Variants in ST6GALNAC3 observed in about 807,000 individuals in gnomAD.
The protein encoded by ST6GALNAC3 is alpha-N-acetylgalactosaminide alpha-2,6-sialyltransferase 3.
In ST6GALNAC3, 25 loss-of-function variants were observed where a neutral mutation model predicts 32.7. The ratio of observed to expected loss-of-function variants is 0.76; its 90% confidence interval spans 0.56 to 1.07. The LOEUF (loss-of-function observed/expected upper bound fraction) is 1.07, where lower values mean the gene tolerates loss of function less well. ST6GALNAC3 is among the 50% of genes least tolerant of loss of function. The pLI is 0.00. For synonymous variants in ST6GALNAC3, 129 were observed against 133.1 expected (o/e 0.97, Z 0.21); for missense variants, 355 against 382.4 (o/e 0.93, Z 0.60).
At chr1:76,123,991 T>C (rs1649067789) in intron 1 of ST6GALNAC3, among the ~76,000 whole-genome samples, 1 of 152,076 alleles carries the variant, frequency 6.6e-6, no homozygotes, top group Non-Finnish European at 1.5e-5. Flanking sequence ...CCTCAAGTGA[T>C]CCACCCACCT....
chr1:76,338,650 G>A (rs1451882538), intron 2 of ST6GALNAC3, among the ~76,000 whole-genome samples: 1 of 152,104 alleles, frequency 6.6e-6, no homozygotes, highest in Non-Finnish European at 1.5e-5. Flanking sequence ...GAGAGTAGAG[G>A]CCAAGGATGA....
At chr1:76,219,888 T>G (rs1033996515) in intron 1 of ST6GALNAC3, among the ~76,000 whole-genome samples, 1 of 152,204 alleles carries the variant, frequency 6.6e-6, no homozygotes, top group Non-Finnish European at 1.5e-5. Flanking sequence ...GGAGCGGTTC[T>G]GGATCTTGCT....
At chr1:76,419,846 A>G (rs999486070) in intron 3 of ST6GALNAC3, among the ~76,000 whole-genome samples, 8 of 152,062 alleles carry the variant, frequency 5.3e-5, no homozygotes, top group Non-Finnish European at 1.0e-4. Flanking sequence ...CTCTGTAAAC[A>G]GACTTCTTAT....
At chr1:76,206,178 AG>A (rs1654811695) in intron 1 of ST6GALNAC3, among the ~76,000 whole-genome samples, 1 of 152,210 alleles carries the variant, frequency 6.6e-6, no homozygotes, top group African/African-American at 2.4e-5. Flanking sequence ...CCATGGTGAA[AG>A]GATATTTTGA....
intron 2 of ST6GALNAC3, among the ~76,000 whole-genome samples, chr1:76,386,858 T>C (rs1652134645): frequency 6.6e-6 from 1 of 152,208 alleles, no homozygotes; most frequent in South Asian, 2.1e-4. Context: ...TCAGATATGA[T>C]AGATGGCTGA....
chr1:76,197,683 G>T (rs1383842523), intron 1 of ST6GALNAC3, among the ~76,000 whole-genome samples: 1 of 152,208 alleles, frequency 6.6e-6, no homozygotes, highest in Non-Finnish European at 1.5e-5. Context: ...GGTTCACTGA[G>T]TGTAGGTCAA....
At chr1:76,436,119 A>G (rs992285811) in intron 3 of ST6GALNAC3, among the ~76,000 whole-genome samples, 1 of 152,136 alleles carries the variant, frequency 6.6e-6, no homozygotes, top group South Asian at 2.1e-4. Context: ...ACACCTTTGA[A>G]TAAAATTTGT....
intron 1 of ST6GALNAC3, among the ~76,000 whole-genome samples, chr1:76,258,525 T>G (rs1458478897): frequency 6.6e-6 from 1 of 152,198 alleles, no homozygotes; most frequent in Non-Finnish European, 1.5e-5. Flanking sequence ...ATTTTATTGC[T>G]ACTCGAAGGC....
intron 3 of ST6GALNAC3, among the ~76,000 whole-genome samples, chr1:76,600,786 A>G (rs1413017769): frequency 2.6e-5 from 4 of 152,240 alleles, no homozygotes; most frequent in Non-Finnish European, 5.9e-5. Flanking sequence ...TTAGGACACT[A>G]CTTCAGAAGC....
chr1:76,607,767 C>G (rs747906426), intron 3 of ST6GALNAC3, among the ~76,000 whole-genome samples: 2 of 152,144 alleles, frequency 1.3e-5, no homozygotes, highest in African/African-American at 4.8e-5. Flanking sequence ...TCAGGCCACA[C>G]ACACTTCCAG....
intron 1 of ST6GALNAC3, among the ~76,000 whole-genome samples, chr1:76,198,615 G>A (rs1654342318): frequency 6.6e-6 from 1 of 152,158 alleles, no homozygotes; most frequent in Admixed American, 6.5e-5. Context: ...AATGGTGGAG[G>A]AGAGAGAGGA....
intron 3 of ST6GALNAC3, among the ~76,000 whole-genome samples, chr1:76,463,767 C>T (rs1405042235): frequency 6.6e-6 from 1 of 152,032 alleles, no homozygotes; most frequent in African/African-American, 2.4e-5. Context: ...TCATTCTGGG[C>T]CTTTCCCCAC....
At chr1:76,081,285 TAAAAAAAAAAA>T (rs10526487) in intron 1 of ST6GALNAC3, among the ~76,000 whole-genome samples, 55,878 of 120,624 alleles carry the variant, frequency 0.46, 11,398 homozygotes, top group Middle Eastern at 0.59. Context: ...GCTGGTGAGC[TAAAAAAAAAAA>T]AAAAAAAAAG....
rs1284503046 is a variant in ST6GALNAC3 at position 76,633,106 on chromosome 1, G to A, written c.*4300G>A. The A allele has an allele frequency of 6.6e-6, 1 of 152,168 alleles. No homozygotes were observed. Among genetic ancestry groups the A allele is most frequent in the Admixed American group, 6.5e-5 (1 of 15,280 alleles). The allele number at this position is 152,168 out of a possible 1,614,324, so 9.4% of individuals were successfully genotyped here. On this transcript the variant is annotated 3_prime_UTR_variant, in exon 5 of 5. Coordinates refer to ENST00000328299, the MANE Select transcript of ST6GALNAC3 (RefSeq NM_152996.4). ...GCCAATTCAACTCCTACACCTTGGA[G>A]CTGAGGAAACAGACAGAGGTGAAGT...
At chr1:76,372,944 A>AT (rs951418896) in intron 2 of ST6GALNAC3, among the ~76,000 whole-genome samples, 9 of 151,854 alleles carry the variant, frequency 5.9e-5, no homozygotes, top group South Asian at 2.1e-4. Flanking sequence ...TATTTAAAAT[A>AT]TTTTTTTTAA....
chr1:76,605,685 C>T (rs559110293), intron 3 of ST6GALNAC3, among the ~76,000 whole-genome samples: 13 of 151,352 alleles, frequency 8.6e-5, no homozygotes, highest in East Asian at 1.9e-4. Context: ...GCCAACATGG[C>T]GAAACCCCGT....
chr1:76,491,612 T>C (rs572446983), intron 3 of ST6GALNAC3, among the ~76,000 whole-genome samples: 1 of 152,236 alleles, frequency 6.6e-6, no homozygotes, highest in East Asian at 1.9e-4. Context: ...ATAAAACCTC[T>C]ACTCCTAGAA....
At chr1:76,596,299 A>G (rs1647136251) in intron 3 of ST6GALNAC3, among the ~76,000 whole-genome samples, 1 of 152,088 alleles carries the variant, frequency 6.6e-6, no homozygotes, top group African/African-American at 2.4e-5. Context: ...TTATTTTTTC[A>G]GTGCCTGTCT....
At chr1:76,456,765 T>C (rs536574026) in intron 3 of ST6GALNAC3, among the ~76,000 whole-genome samples, 1 of 152,208 alleles carries the variant, frequency 6.6e-6, no homozygotes, top group Non-Finnish European at 1.5e-5. Context: ...GGGCAAAAAC[T>C]GGAAGCATTC....
Sources: allele counts gnomAD v4.1 joint callset (sites outside exome capture counted in the v4.1 genomes callset), GRCh38; gene constraint gnomAD v4.1.1; transcripts MANE v1.5; gene names NCBI Gene and HGNC (gene_info 2026-07-23, HGNC 2026-07-21).